The following KRABD5 variants were observed in gnomAD, a reference collection of about 807,000 sequenced individuals.
KRABD5 encodes the protein KRAB domain-containing protein 5.
At chr16:31,739,142 CTTTATATT>C in the KRABD5 span, among the ~76,000 whole-genome samples, 5 of 152,114 alleles carry the variant, frequency 3.3e-5, no homozygotes, top group African/African-American at 9.7e-5. Context: ...TACCAGAACA[CTTTATATT>C]TTTATATAAT....
the KRABD5 span, among the ~76,000 whole-genome samples, chr16:31,750,236 A>T: frequency 6.6e-6 from 1 of 152,012 alleles, no homozygotes. Flanking sequence ...CCTCTTGTAG[A>T]GATCTTTAAC....
At chr16:31,718,117 G>A in the KRABD5 span, among the ~76,000 whole-genome samples, 1 of 152,118 alleles carries the variant, frequency 6.6e-6, no homozygotes, top group African/African-American at 2.4e-5. Flanking sequence ...AAATGCCCAT[G>A]AATGTGCAGA....
the KRABD5 span, among the ~76,000 whole-genome samples, chr16:31,736,176 T>C: frequency 6.6e-6 from 1 of 152,188 alleles, no homozygotes; most frequent in Non-Finnish European, 1.5e-5. Flanking sequence ...CAAAGTGTGT[T>C]CTTGGCATCT....
At chr16:31,736,376 A>G in the KRABD5 span, among the ~76,000 whole-genome samples, 1 of 145,978 alleles carries the variant, frequency 6.9e-6, no homozygotes, top group Non-Finnish European at 1.5e-5. Flanking sequence ...TGCTTTGGCT[A>G]TTCAGGGTAT....
the KRABD5 span, among the ~76,000 whole-genome samples, chr16:31,725,195 A>G: frequency 6.6e-6 from 1 of 152,020 alleles, no homozygotes; most frequent in African/African-American, 2.4e-5. Flanking sequence ...GGCTCACTAC[A>G]ACCTCCGCTT....
chr16:31,719,297 A>G, the KRABD5 span, among the ~76,000 whole-genome samples: 5 of 152,108 alleles, frequency 3.3e-5, no homozygotes, highest in African/African-American at 4.8e-5. Flanking sequence ...AAGAGTTGTT[A>G]TTATTATTTC....
the KRABD5 span, among the ~76,000 whole-genome samples, chr16:31,717,116 C>T: frequency 6.6e-6 from 1 of 151,494 alleles, no homozygotes; most frequent in South Asian, 2.1e-4. Flanking sequence ...CCTGCCTAGC[C>T]TCCCAAGTAG....
chr16:31,716,869 C>G, the KRABD5 span, among the ~76,000 whole-genome samples: 1 of 152,066 alleles, frequency 6.6e-6, no homozygotes, highest in African/African-American at 2.4e-5. Context: ...ACATATTTCT[C>G]TCCTTCTTTT....
chr16:31,759,139 C>A, the KRABD5 span: 1 of 424,822 alleles, frequency 2.4e-6, no homozygotes, highest in Non-Finnish European at 4.4e-6. Flanking sequence ...TTTATTTGCA[C>A]AATATTTATG....
At chr16:31,732,646 T>C in the KRABD5 span, among the ~76,000 whole-genome samples, 2 of 152,206 alleles carry the variant, frequency 1.3e-5, no homozygotes, top group South Asian at 2.1e-4. Flanking sequence ...TATTTGGAAA[T>C]AGAAAGCTTT....
chr16:31,716,944 C>T, the KRABD5 span, among the ~76,000 whole-genome samples: 1 of 148,596 alleles, frequency 6.7e-6, no homozygotes, highest in East Asian at 2.0e-4. Context: ...GGAAATATGT[C>T]TAAATCATTG....
chr16:31,744,631 G>A, the KRABD5 span, among the ~76,000 whole-genome samples: 11 of 152,266 alleles, frequency 7.2e-5, no homozygotes, highest in Admixed American at 3.3e-4. Context: ...GATGATGCTG[G>A]CTTCATAAAC....
the KRABD5 span, among the ~76,000 whole-genome samples, chr16:31,719,725 T>C: frequency 6.6e-6 from 1 of 152,192 alleles, no homozygotes; most frequent in Admixed American, 6.5e-5. Flanking sequence ...GTGCTCACAA[T>C]TTCCCCAAAC....
chr16:31,724,928 T>C, the KRABD5 span, among the ~76,000 whole-genome samples: 1 of 152,118 alleles, frequency 6.6e-6, no homozygotes, highest in African/African-American at 2.4e-5. Flanking sequence ...AAATAACTGA[T>C]ATTATACAGT....
the KRABD5 span, among the ~76,000 whole-genome samples, chr16:31,716,440 G>T: frequency 1.3e-5 from 2 of 152,142 alleles, no homozygotes; most frequent in South Asian, 4.1e-4. Flanking sequence ...GGAGTGCAGT[G>T]GCATGATCAT....
the KRABD5 span, among the ~76,000 whole-genome samples, chr16:31,752,949 T>C: frequency 6.6e-6 from 1 of 152,238 alleles, no homozygotes; most frequent in African/African-American, 2.4e-5. Flanking sequence ...TGTTAGTTAA[T>C]AGATTTCTGC....
chr16:31,760,848 A>G, the KRABD5 span: 3 of 152,174 alleles, frequency 2.0e-5, no homozygotes, highest in Non-Finnish European at 2.9e-5. Context: ...TTGGGCCTTG[A>G]TTTCCTAAAC....
chr16:31,747,621 T>C, the KRABD5 span, among the ~76,000 whole-genome samples: 1 of 152,182 alleles, frequency 6.6e-6, no homozygotes, highest in Admixed American at 6.5e-5. Context: ...GTAAAAGTGT[T>C]CCTATTTCTC....
the KRABD5 span, chr16:31,755,345 A>C: frequency 2.0e-6 from 1 of 505,270 alleles, no homozygotes; most frequent in Non-Finnish European, 4.1e-6. Context: ...TTCACGCCTT[A>C]CTCAACATCA....
Sources: gnomAD v4.1 joint callset for allele counts (sites outside exome capture counted in the v4.1 genomes callset) on GRCh38, gnomAD v4.1.1 for gene constraint, MANE v1.5 for transcripts, NCBI Gene and HGNC (gene_info 2026-07-23, HGNC 2026-07-21) for gene names.